LATS2: variants seen among roughly 807,000 people sequenced by gnomAD.
LATS2 encodes the protein serine/threonine-protein kinase LATS2.
In LATS2, 24 loss-of-function variants were observed where a neutral mutation model predicts 76.0. That is an observed-to-expected ratio of 0.32 (90% CI 0.23 to 0.44). The LOEUF (loss-of-function observed/expected upper bound fraction) is 0.44. Ranked by LOEUF, LATS2 falls within the 20% of genes least tolerant of loss-of-function variation. LATS2 has a pLI of 1.00. For missense variants in LATS2, 1,286 were observed against 1,481.2 expected (o/e 0.87, Z 2.16); for synonymous variants, 692 against 635.4 (o/e 1.09, Z -1.34).
At chr13:21,051,928 G>A (rs2138414458) in intron 1 of LATS2, among the ~76,000 whole-genome samples, 1 of 152,294 alleles carries the variant, frequency 6.6e-6, no homozygotes. Flanking sequence ...CTGCACTCCA[G>A]CCTGGGAGTC....
intron 2 of LATS2, among the ~76,000 whole-genome samples, chr13:21,021,086 G>A (rs986360705): frequency 5.3e-5 from 8 of 152,188 alleles, no homozygotes; most frequent in East Asian, 1.9e-4. Context: ...AAGACAGGCC[G>A]TGTGTGGGTC....
chr13:20,978,419 T>A (rs1269141963), intron 7 of LATS2, among the ~76,000 whole-genome samples: 3 of 152,218 alleles, frequency 2.0e-5, no homozygotes, highest in Admixed American at 6.5e-5. Context: ...CAAATGGCTG[T>A]CATTTTAAAA....
At chr13:21,040,070 T>A (rs1284157313) in intron 2 of LATS2, among the ~76,000 whole-genome samples, 4 of 146,012 alleles carry the variant, frequency 2.7e-5, no homozygotes, top group African/African-American at 7.6e-5. Context: ...CGAAACTCCA[T>A]CTCAAAAAAA....
At chr13:20,978,201 C>T (rs1046227268) in intron 7 of LATS2, among the ~76,000 whole-genome samples, 2 of 152,110 alleles carry the variant, frequency 1.3e-5, no homozygotes, top group Non-Finnish European at 2.9e-5. Flanking sequence ...AGGCATGATC[C>T]ACCACGCCCA....
chr13:21,056,851 C>T (rs1873464160), intron 1 of LATS2, among the ~76,000 whole-genome samples: 2 of 152,174 alleles, frequency 1.3e-5, no homozygotes, highest in African/African-American at 4.8e-5. Context: ...ATTAGAAAGA[C>T]TGGAAGGGCT....
At chr13:21,044,134 G>A (rs537606819) in intron 2 of LATS2, among the ~76,000 whole-genome samples, 8 of 152,332 alleles carry the variant, frequency 5.3e-5, no homozygotes, top group Admixed American at 2.0e-4. Flanking sequence ...AAAGCAGCTC[G>A]ACATAACAAT....
intron 7 of LATS2, among the ~76,000 whole-genome samples, chr13:20,975,780 T>A (rs1460890568): frequency 6.6e-6 from 1 of 151,944 alleles, no homozygotes; most frequent in Non-Finnish European, 1.5e-5. Context: ...GCCTCCTGGG[T>A]TCAAGCGATT....
intron 6 of LATS2, 42 bp from the exon 7 acceptor site, chr13:20,979,839 TCTC>T (rs1166915420): frequency 1.3e-5 from 14 of 1,103,958 alleles, no homozygotes; most frequent in Middle Eastern, 2.0e-4. Context: ...AGGCATGAAT[TCTC>T]CTCCGAGGTG....
In LATS2 at chr13:21,007,545, GTATATATATATATATATATATA is replaced by G. The variant is rs71090549; in HGVS notation, c.343-16163_343-16142del. On this transcript the variant is annotated intron_variant, in intron 2 of 7. Coordinates refer to ENST00000382592, the MANE Select transcript of LATS2 (RefSeq NM_014572.3). Reference sequence around the variant, plus strand: ...CGTAGGGGATGGATATATATATATAGTATATATATATATATATATATATATATATATATATATATATAGTATA... The same window carrying G: ...CGTAGGGGATGGATATATATATATAGTATATATATATATATATATAGTATA... Among the ~76,000 whole-genome samples the G allele has an allele frequency of 5.5e-4, 2 of 3,610 alleles. 1 individual carries two copies. The highest frequency in any genetic ancestry group is 0.017 in the East Asian group (2 of 116). The allele number at this position is 3,610 out of a possible 152,430, so 2.4% of individuals were successfully genotyped here.
At chr13:21,050,932 C>T (rs752486076) in intron 1 of LATS2, among the ~76,000 whole-genome samples, 2 of 152,256 alleles carry the variant, frequency 1.3e-5, no homozygotes, top group East Asian at 1.9e-4. Flanking sequence ...CATGATACCA[C>T]AGCCACGTGA....
At chr13:20,999,591 C>T (rs938321321) in intron 2 of LATS2, among the ~76,000 whole-genome samples, 13 of 151,994 alleles carry the variant, frequency 8.6e-5, no homozygotes, top group African/African-American at 3.1e-4. Context: ...ATCTCAGCCT[C>T]CTGTAGTCAG....
At chr13:21,021,554 C>G (rs1438318256) in intron 2 of LATS2, among the ~76,000 whole-genome samples, 1 of 106,852 alleles carries the variant, frequency 9.4e-6, no homozygotes, top group African/African-American at 3.4e-5. Context: ...CTGGAGAAAA[C>G]AAAACCCTTT....
Position 20,991,391 on chromosome 13 carries a change from C to T in LATS2, c.356G>A (p.Arg119Gln). The change falls in exon 3 of 8, where the codon CGA (arginine) becomes CAA (glutamine). Residue 119 changes from arginine (R) to glutamine (Q), a missense_variant. Arg to Gln is a conservative substitution (Grantham distance 43). This residue lies in a region of LATS2 where 18 missense variants were observed against 58.5 expected (regional missense o/e 0.31). Transcript: ENST00000382592. This position sits in a 1 kb window ranked among gnomAD's most constrained non-coding sequence, Gnocchi z 4.9. ...CCTGCTGCCAGTCTGCTTGAGAGCT[C>T]GGCCAGCCATCTCCTGGGAGGGAAG... ...NAGCDQEMAGRALKQTGSRSI... is the reference protein window; with the variant it reads ...NAGCDQEMAGQALKQTGSRSI... 11 of 1,614,136 alleles carry T rather than the reference C, an allele frequency of 6.8e-6. No individual in the cohort carries two copies. The highest frequency in any genetic ancestry group is 1.6e-4 in the Middle Eastern group (1 of 6,062).
In LATS2 at chr13:20,998,470, G is replaced by A. The variant is rs572838264; in HGVS notation, c.343-7066C>T. 2.6e-5 allele frequency among the ~76,000 whole-genome samples: 4 copies of A among 152,326 alleles called. 1 individual carries two copies. The highest frequency in any genetic ancestry group is 4.1e-4 in the South Asian group (2 of 4,826). On this transcript the variant is annotated intron_variant, in intron 2 of 7. Coordinates refer to ENST00000382592, the MANE Select transcript of LATS2 (RefSeq NM_014572.3). ...CAGAGGAGGCTGCACTGTCTCTGGCGGGATCCTGTGCTTGCTTGGAGGATT... is the reference window on the plus strand; with the variant it reads ...CAGAGGAGGCTGCACTGTCTCTGGCAGGATCCTGTGCTTGCTTGGAGGATT...
intron 1 of LATS2, among the ~76,000 whole-genome samples, chr13:21,057,840 T>C (rs1236906337): frequency 6.6e-6 from 1 of 152,088 alleles, no homozygotes; most frequent in African/African-American, 2.4e-5. Context: ...CACGTAACAT[T>C]ATGTAACATT....
intron 2 of LATS2, among the ~76,000 whole-genome samples, chr13:21,027,175 G>T (rs1452630683): frequency 6.6e-6 from 1 of 152,072 alleles, no homozygotes; most frequent in East Asian, 1.9e-4. Flanking sequence ...GAGTTTTGTT[G>T]TTTTAATGTC....
chr13:21,030,713 A>G (rs1455778249), intron 2 of LATS2, among the ~76,000 whole-genome samples: 1 of 152,082 alleles, frequency 6.6e-6, no homozygotes, highest in African/African-American at 2.4e-5. Context: ...AAACCTATCA[A>G]TAAAGTATTG....
At chr13:20,986,959 G>A (rs1243262451) in intron 4 of LATS2, among the ~76,000 whole-genome samples, 1 of 152,190 alleles carries the variant, frequency 6.6e-6, no homozygotes, top group South Asian at 2.1e-4. Flanking sequence ...TGGGGAGGCC[G>A]AGGTGGGCAG....
At chr13:21,007,663 AGT>A (rs1261814985) in intron 2 of LATS2, among the ~76,000 whole-genome samples, 3 of 7,134 alleles carry the variant, frequency 4.2e-4, no homozygotes, top group South Asian at 5.1e-3. Flanking sequence ...ATATATATAT[AGT>A]GTGTATATAT....
Sources: gnomAD v4.1 joint callset for allele counts (sites outside exome capture counted in the v4.1 genomes callset) on GRCh38, gnomAD v4.1.1 for gene constraint, gnomAD v4.1.1 regional missense constraint, Gnocchi (gnomAD v3.1) non-coding constraint, MANE v1.5 for transcripts, NCBI Gene and HGNC (gene_info 2026-07-23, HGNC 2026-07-21) for gene names.